HEPHL1: variants seen among roughly 807,000 people sequenced by gnomAD.
The protein encoded by HEPHL1 is hephaestin like 1.
A neutral mutation model predicts 122.0 loss-of-function variants in HEPHL1; 123 were observed. The observed-to-expected ratio is 1.01, with a 90% CI of 0.87 to 1.17. The LOEUF (loss-of-function observed/expected upper bound fraction) is 1.17, where lower values mean the gene tolerates loss of function less well. HEPHL1 is among the 50% of genes most tolerant of loss of function. The pLI is 0.00. For synonymous variants in HEPHL1, 527 were observed against 508.9 expected, an observed-to-expected ratio of 1.04 and a Z score of -0.48; for missense variants, 1,452 against 1,430.5, an observed-to-expected ratio of 1.01 and a Z score of -0.24.
chr11:94,046,497 C>A (rs1374807479), intron 2 of HEPHL1, among the ~76,000 whole-genome samples: 3 of 148,764 alleles, frequency 2.0e-5, no homozygotes, highest in African/African-American at 5.0e-5. Context: ...CACCACGCAC[C>A]AGGAACACAC....
chr11:94,036,574 CT>C (rs1945726421), intron 1 of HEPHL1, among the ~76,000 whole-genome samples: 1 of 152,142 alleles, frequency 6.6e-6, no homozygotes, highest in South Asian at 2.1e-4. Flanking sequence ...TAGAATTACC[CT>C]GACACTCACT....
At chr11:94,030,979 C>T (rs1945669981) in intron 1 of HEPHL1, among the ~76,000 whole-genome samples, 1 of 152,156 alleles carries the variant, frequency 6.6e-6, no homozygotes, top group Non-Finnish European at 1.5e-5. Context: ...GCTCTCTGCT[C>T]CAGAGGCCAA....
intron 2 of HEPHL1, chr11:94,054,963 A>G (rs1402323146): frequency 6.6e-6 from 1 of 152,566 alleles, no homozygotes; most frequent in African/African-American, 2.4e-5. Context: ...GAAGGAAGAC[A>G]CTGTTACTCA....
intron 17 of HEPHL1, among the ~76,000 whole-genome samples, chr11:94,107,365 AATTT>A (rs1388144496): frequency 6.6e-6 from 1 of 152,170 alleles, no homozygotes; most frequent in East Asian, 1.9e-4. Context: ...AAATTTATAA[AATTT>A]AATACACAAA....
Position 94,039,955 on chromosome 11 carries a change from C to G in HEPHL1, c.171-5718C>G, listed in dbSNP as rs1253177304. Among the ~76,000 whole-genome samples the G allele has an allele frequency of 2.1e-5, 2 of 94,678 alleles. 1 individual carries two copies. The highest frequency in any genetic ancestry group is 5.0e-4 in the East Asian group (2 of 3,996). 62.1% of individuals were successfully genotyped at this position (94,678 alleles called of 152,430 possible). A position where few individuals can be genotyped will look rare whatever the true frequency, so the allele number is the denominator to read the frequency against. ...GGAGCTGGTTTTTTGAAAGGATCAA[C>G]AAAATTGATAGACCACTAGCAAGAC... On this transcript the variant is annotated intron_variant, in intron 1 of 19. Coordinates refer to ENST00000315765, the MANE Select transcript of HEPHL1 (RefSeq NM_001098672.2).
At chr11:94,096,775 A>G (rs1241968809) in intron 13 of HEPHL1, among the ~76,000 whole-genome samples, 2 of 152,016 alleles carry the variant, frequency 1.3e-5, no homozygotes, top group Non-Finnish European at 2.9e-5. Context: ...GAATTTATCC[A>G]TTTCTTCTAG....
At chr11:94,049,337 C>T (rs894160249) in intron 2 of HEPHL1, among the ~76,000 whole-genome samples, 4 of 151,098 alleles carry the variant, frequency 2.6e-5, no homozygotes, top group African/African-American at 9.7e-5. Context: ...ACCCAAAAAA[C>T]AAAAACAACC....
At chr11:94,073,897 T>C (rs1946099483) in intron 8 of HEPHL1, among the ~76,000 whole-genome samples, 1 of 152,240 alleles carries the variant, frequency 6.6e-6, no homozygotes, top group South Asian at 2.1e-4. Context: ...TCAACAAATA[T>C]ATTTATAAAA....
Position 94,093,537 on chromosome 11 carries a change from G to C in HEPHL1, c.2331G>C (p.Trp777Cys), listed in dbSNP as rs767278284. The C allele has an allele frequency of 6.2e-7, 1 of 1,613,598 alleles. No individual in the cohort carries two copies. Among genetic ancestry groups the C allele is most frequent in the Admixed American group, 1.7e-5 (1 of 59,944 alleles). Residue 777 changes from tryptophan (W) to cysteine (C), a missense_variant, in exon 13 of 20, where the codon TGG becomes TGC. Physicochemically the swap from Trp to Cys is radical, Grantham distance 215. Transcript: ENST00000315765. ...TATTTATGAACCGCACTGAAAATTGGATTGGCTCTCAGTACAAGAAGGTGG... is the reference window on the plus strand; with the variant it reads ...TATTTATGAACCGCACTGAAAATTGCATTGGCTCTCAGTACAAGAAGGTGG... ...GDIFMNRTEN[W>C]IGSQYKKVVY... is the part of the protein sequence containing the mutation.
chr11:94,089,997 A>G (rs559617351), intron 12 of HEPHL1, among the ~76,000 whole-genome samples: 1 of 152,022 alleles, frequency 6.6e-6, no homozygotes, highest in South Asian at 2.1e-4. Flanking sequence ...GACAAACACG[A>G]CATGCTACTG....
At chr11:94,035,995 C>G (rs571683563) in intron 1 of HEPHL1, among the ~76,000 whole-genome samples, 1 of 152,348 alleles carries the variant, frequency 6.6e-6, no homozygotes, top group East Asian at 1.9e-4. Context: ...CTCGGCCTCC[C>G]AAAGTGCTGG....
intron 13 of HEPHL1, among the ~76,000 whole-genome samples, chr11:94,097,300 G>T (rs914025774): frequency 6.6e-6 from 1 of 152,170 alleles, no homozygotes; most frequent in Admixed American, 6.5e-5. Context: ...GGAGCAGGTT[G>T]TTCAGTTTCC....
At chr11:94,054,971 T>C (rs1945923724) in intron 2 of HEPHL1, 1 of 152,756 alleles carries the variant, frequency 6.5e-6, no homozygotes, top group African/African-American at 2.4e-5. Context: ...ACACTGTTAC[T>C]CATTGGGGCT....
chr11:94,043,840 C>G (rs916141802), intron 1 of HEPHL1, among the ~76,000 whole-genome samples: 35 of 152,132 alleles, frequency 2.3e-4, no homozygotes, highest in African/African-American at 8.2e-4. Context: ...TCATAACTCT[C>G]CCTTCCAGAA....
chr11:94,024,866 C>G (rs993115130), intron 1 of HEPHL1, among the ~76,000 whole-genome samples: 13 of 152,250 alleles, frequency 8.5e-5, no homozygotes, highest in African/African-American at 3.1e-4. Flanking sequence ...TTGTCATTGA[C>G]AATATCCTAT....
intron 5 of HEPHL1, among the ~76,000 whole-genome samples, chr11:94,069,544 A>G (rs1946058467): frequency 6.6e-6 from 1 of 152,170 alleles, no homozygotes; most frequent in African/African-American, 2.4e-5. Context: ...TAAAAAATGA[A>G]ATCAGTCTAT....
intron 2 of HEPHL1, among the ~76,000 whole-genome samples, chr11:94,047,308 G>T (rs1287356653): frequency 1.3e-5 from 2 of 152,076 alleles, no homozygotes; most frequent in East Asian, 3.8e-4. Flanking sequence ...CATCACCCAG[G>T]AATTAAGCCT....
At chr11:94,071,345 TCA>T in intron 6 of HEPHL1, among the ~76,000 whole-genome samples, 1 of 152,094 alleles carries the variant, frequency 6.6e-6, no homozygotes, top group South Asian at 2.1e-4. Context: ...ATTCATTCAT[TCA>T]TTCATTCATT....
chr11:94,078,466 T>TATATATATATATAA (rs1372347165), intron 9 of HEPHL1, among the ~76,000 whole-genome samples: 1 of 84,012 alleles, frequency 1.2e-5, no homozygotes, highest in African/African-American at 4.1e-5. Flanking sequence ...TATATATATA[T>TATATATATATATAA]ATATATATAT....
Sources: allele counts gnomAD v4.1 joint callset (sites outside exome capture counted in the v4.1 genomes callset), GRCh38; gene constraint gnomAD v4.1.1; transcripts MANE v1.5; gene names NCBI Gene and HGNC (gene_info 2026-07-23, HGNC 2026-07-21).